The following NBEA variants were observed in gnomAD, a reference collection of about 807,000 sequenced individuals.
NBEA encodes the protein neurobeachin.
NBEA carries 44 observed loss-of-function variants against 343.4 expected under a neutral mutation model. That is an observed-to-expected ratio of 0.13 (90% CI 0.10 to 0.16). The LOEUF is 0.16. NBEA is among the 10% of genes least tolerant of loss of function. The pLI, the probability that NBEA is intolerant of heterozygous loss-of-function variation, is 1.00. For missense variants in NBEA, 2,555 were observed against 3,631.3 expected (o/e 0.70, Z 7.62); for synonymous variants, 1,175 against 1,238.7 (o/e 0.95, Z 1.08).
chr13:35,359,872 T>G (rs953904331), intron 38 of NBEA, among the ~76,000 whole-genome samples: 4 of 151,630 alleles, frequency 2.6e-5, no homozygotes, highest in Non-Finnish European at 5.9e-5. Context: ...GATCTCAGTT[T>G]TTATTATTCA....
chr13:35,481,251 A>G (rs2076109705), intron 41 of NBEA, among the ~76,000 whole-genome samples: 1 of 151,914 alleles, frequency 6.6e-6, no homozygotes. Flanking sequence ...GAGATTAAAA[A>G]TGGAAGTTGG....
At chr13:35,423,227 C>A (rs1341827117) in intron 38 of NBEA, among the ~76,000 whole-genome samples, 1 of 152,082 alleles carries the variant, frequency 6.6e-6, no homozygotes, top group Non-Finnish European at 1.5e-5. Context: ...CTTGCCCATG[C>A]CTATGTTCCT....
At chr13:35,173,993 A>G (rs769736506) in intron 27 of NBEA, among the ~76,000 whole-genome samples, 4 of 152,156 alleles carry the variant, frequency 2.6e-5, no homozygotes, top group Non-Finnish European at 5.9e-5. Context: ...GAAATATACT[A>G]TTAGTTTTCT....
Position 35,044,929 on chromosome 13 carries a change from C to CT in NBEA, c.527-15dup. ...AGCTCATGACTAGAGTTCAGAATAA[C>CT]TTTATTTTCCTTTGAAGATCTTCTA... On this transcript the variant is annotated splice_polypyrimidine_tract_variant and intron_variant, in intron 2 of 58. Transcript: ENST00000379939. 1 of 1,589,894 alleles carries CT rather than the reference C, an allele frequency of 6.3e-7. No homozygotes were observed. Among genetic ancestry groups the CT allele is most frequent in the Non-Finnish European group, 8.6e-7 (1 of 1,164,366 alleles).
At chr13:35,482,946 T>C (rs904714246) in intron 41 of NBEA, among the ~76,000 whole-genome samples, 3 of 151,984 alleles carry the variant, frequency 2.0e-5, no homozygotes, top group Middle Eastern at 3.4e-3. Flanking sequence ...TGTCTGGCTG[T>C]TTTAGTTTTA....
At chr13:35,299,649 C>G (rs1002925408) in intron 35 of NBEA, among the ~76,000 whole-genome samples, 4 of 152,094 alleles carry the variant, frequency 2.6e-5, no homozygotes, top group Non-Finnish European at 2.9e-5. Context: ...CATTCAAACC[C>G]AAAGTTAAGT....
chr13:35,322,551 G>A (rs2038235811), intron 36 of NBEA, among the ~76,000 whole-genome samples: 1 of 152,152 alleles, frequency 6.6e-6, no homozygotes, highest in Non-Finnish European at 1.5e-5. Context: ...CTGCAGACTG[G>A]AGCTGTTCTT....
chr13:35,264,187 A>G (rs1160566532), intron 34 of NBEA, among the ~76,000 whole-genome samples: 1 of 151,946 alleles, frequency 6.6e-6, no homozygotes, highest in Admixed American at 6.6e-5. Flanking sequence ...CTAGATACAT[A>G]CAATCTACCA....
intron 25 of NBEA, chr13:35,170,984 T>G: frequency 2.2e-6 from 1 of 450,886 alleles, no homozygotes; most frequent in East Asian, 5.1e-5. Context: ...TCTAAATATC[T>G]TTGTGAAATG....
At chr13:35,260,123 G>A (rs910046256) in intron 34 of NBEA, among the ~76,000 whole-genome samples, 4 of 152,128 alleles carry the variant, frequency 2.6e-5, no homozygotes, top group African/African-American at 9.7e-5. Flanking sequence ...ACACTTCTTC[G>A]TGCTTTCAGA....
At chr13:35,300,784 T>C (rs2152825822) in intron 35 of NBEA, among the ~76,000 whole-genome samples, 1 of 152,316 alleles carries the variant, frequency 6.6e-6, no homozygotes, top group African/African-American at 2.4e-5. Context: ...ATCGGTAGCT[T>C]AGGATAACCA....
intron 1 of NBEA, among the ~76,000 whole-genome samples, chr13:34,989,166 G>A (rs987884922): frequency 6.6e-6 from 1 of 150,770 alleles, no homozygotes; most frequent in African/African-American, 2.4e-5. Flanking sequence ...TTACCATACT[G>A]TTTCACTTAA....
chr13:35,026,263 G>A (rs574415430), intron 1 of NBEA, among the ~76,000 whole-genome samples: 31 of 152,216 alleles, frequency 2.0e-4, no homozygotes, highest in Non-Finnish European at 3.4e-4. Flanking sequence ...GGAACTGTGA[G>A]TCAATTAAAC....
At chr13:35,107,125 G>A (rs903846789) in intron 11 of NBEA, among the ~76,000 whole-genome samples, 7 of 151,798 alleles carry the variant, frequency 4.6e-5, no homozygotes. Context: ...ATTAGTGAAG[G>A]AGCTGGCTAC....
At chr13:35,350,846 A>G (rs896082462) in intron 37 of NBEA, among the ~76,000 whole-genome samples, 27 of 151,548 alleles carry the variant, frequency 1.8e-4, no homozygotes, top group African/African-American at 6.3e-4. Flanking sequence ...GAACTTTTTG[A>G]GGAATTTTTC....
intron 38 of NBEA, among the ~76,000 whole-genome samples, chr13:35,374,148 T>C (rs936426134): frequency 6.6e-6 from 1 of 152,208 alleles, no homozygotes; most frequent in Non-Finnish European, 1.5e-5. Context: ...CCACTTTTTT[T>C]CACTGGAACA....
chr13:35,611,068 T>A (rs1291239208), intron 48 of NBEA, among the ~76,000 whole-genome samples: 1 of 149,844 alleles, frequency 6.7e-6, no homozygotes, highest in Admixed American at 6.6e-5. Context: ...ACCTCTGACA[T>A]CCCAAGCCCT....
chr13:35,538,727 C>T (rs912505453), intron 41 of NBEA, among the ~76,000 whole-genome samples: 4 of 152,162 alleles, frequency 2.6e-5, no homozygotes, highest in Non-Finnish European at 4.4e-5. Context: ...TGACCTGTCA[C>T]GTGAGGTGGG....
At chr13:35,128,189 AC>A (rs2067228939) in intron 17 of NBEA, among the ~76,000 whole-genome samples, 1 of 152,054 alleles carries the variant, frequency 6.6e-6, no homozygotes, top group African/African-American at 2.4e-5. Flanking sequence ...TACCTACGTA[AC>A]TAACCTGCAC....
Sources: allele counts gnomAD v4.1 joint callset (sites outside exome capture counted in the v4.1 genomes callset), GRCh38; gene constraint gnomAD v4.1.1; transcripts MANE v1.5; gene names NCBI Gene and HGNC (gene_info 2026-07-23, HGNC 2026-07-21).